The following PDE4D variants were observed in gnomAD, a reference collection of about 807,000 sequenced individuals.
The protein encoded by PDE4D is 3',5'-cyclic-AMP phosphodiesterase 4D.
A neutral mutation model predicts 87.4 loss-of-function variants in PDE4D; 24 were observed. The observed-to-expected ratio is 0.27, with a 90% CI of 0.20 to 0.39. The LOEUF is 0.39. Ranked by LOEUF, PDE4D falls within the 10% of genes least tolerant of loss-of-function variation. The pLI is 1.00. For missense variants in PDE4D, 714 were observed against 1,041.0 expected (o/e 0.69, Z 4.32); for synonymous variants, 384 against 383.2 (o/e 1.00, Z -0.02).
chr5:59,110,983 T>C (rs766202652), intron 5 of PDE4D, among the ~76,000 whole-genome samples: 1 of 152,220 alleles, frequency 6.6e-6, no homozygotes, highest in Non-Finnish European at 1.5e-5. Context: ...CTTTAACCAA[T>C]TTATGACATT....
intron 1 of PDE4D, among the ~76,000 whole-genome samples, chr5:59,290,086 C>T (rs1767724509): frequency 6.6e-6 from 1 of 151,948 alleles, no homozygotes; most frequent in Non-Finnish European, 1.5e-5. Flanking sequence ...TTAAAACGTT[C>T]ATACTACCCA....
intron 1 of PDE4D, among the ~76,000 whole-genome samples, chr5:60,474,785 A>C (rs1748179889): frequency 2.0e-5 from 3 of 152,020 alleles, no homozygotes. Context: ...CTTACCCCCA[A>C]CAATGTTCCT....
chr5:59,946,346 C>T (rs1263550928), intron 3 of PDE4D, among the ~76,000 whole-genome samples: 1 of 152,134 alleles, frequency 6.6e-6, no homozygotes, highest in East Asian at 1.9e-4. Context: ...AACTCAGACC[C>T]CAAAACTTCC....
At chr5:60,460,104 G>C in intron 1 of PDE4D, 4 of 1,605,300 alleles carry the variant, frequency 2.5e-6, no homozygotes, top group Non-Finnish European at 3.4e-6. Flanking sequence ...CAGTAAACCA[G>C]GTAAAGAAGC....
At chr5:59,514,713 G>A (rs573420331) in intron 1 of PDE4D, among the ~76,000 whole-genome samples, 3 of 152,192 alleles carry the variant, frequency 2.0e-5, no homozygotes, top group Non-Finnish European at 4.4e-5. Flanking sequence ...TACTAGCTAT[G>A]TGACTTTGGG....
intron 5 of PDE4D, among the ~76,000 whole-genome samples, chr5:59,070,067 T>C (rs1048545469): frequency 3.3e-5 from 5 of 152,186 alleles, no homozygotes; most frequent in African/African-American, 1.2e-4. Flanking sequence ...TATTGCCAGA[T>C]AGTTTTTGAG....
At chr5:60,364,286 C>A (rs1374242530) in intron 1 of PDE4D, among the ~76,000 whole-genome samples, 1 of 152,044 alleles carries the variant, frequency 6.6e-6, no homozygotes, top group Non-Finnish European at 1.5e-5. Flanking sequence ...ATGTATTACC[C>A]AAGCCAGGAT....
At chr5:59,085,931 T>C (rs567323634) in intron 5 of PDE4D, among the ~76,000 whole-genome samples, 3 of 151,896 alleles carry the variant, frequency 2.0e-5, no homozygotes, top group Non-Finnish European at 4.4e-5. Context: ...CAAATGGAGG[T>C]TGGGGTTGTA....
chr5:59,606,938 G>T (rs1366306503), intron 1 of PDE4D, among the ~76,000 whole-genome samples: 1 of 151,730 alleles, frequency 6.6e-6, no homozygotes, highest in African/African-American at 2.4e-5. Context: ...TCTTACAGAA[G>T]GGGGGGAAGG....
chr5:59,205,784 G>C (rs1437317658), intron 2 of PDE4D, among the ~76,000 whole-genome samples: 1 of 151,614 alleles, frequency 6.6e-6, no homozygotes, highest in Non-Finnish European at 1.5e-5. Context: ...AATGAATTTT[G>C]AAACATGGAA....
chr5:60,412,546 C>T (rs1390788412), intron 1 of PDE4D, among the ~76,000 whole-genome samples: 2 of 152,128 alleles, frequency 1.3e-5, no homozygotes, highest in Non-Finnish European at 2.9e-5. Flanking sequence ...AAATCATCCT[C>T]GTTCTTCGAT....
chr5:59,011,476 G>A (rs1353670506), intron 6 of PDE4D, among the ~76,000 whole-genome samples: 1 of 152,120 alleles, frequency 6.6e-6, no homozygotes, highest in Non-Finnish European at 1.5e-5. Context: ...TGAAAACCAT[G>A]GCATGAGAAC....
At chr5:60,147,356 C>T (rs1781104347) in intron 2 of PDE4D, among the ~76,000 whole-genome samples, 1 of 151,134 alleles carries the variant, frequency 6.6e-6, no homozygotes, top group South Asian at 2.1e-4. Flanking sequence ...ACAATGGTGA[C>T]CAAGTGCTGG....
intron 1 of PDE4D, among the ~76,000 whole-genome samples, chr5:59,553,473 C>T (rs1036542631): frequency 1.3e-5 from 2 of 152,104 alleles, no homozygotes; most frequent in African/African-American, 4.8e-5. Flanking sequence ...GAGCAGGGCT[C>T]CCCTTCCTCA....
intron 1 of PDE4D, chr5:60,459,920 T>C: frequency 1.4e-6 from 1 of 699,474 alleles, no homozygotes; most frequent in South Asian, 1.6e-5. Context: ...TCATCTTCAT[T>C]GTCTTCTTCA....
At chr5:59,637,174 G>T (rs1832351694) in intron 1 of PDE4D, among the ~76,000 whole-genome samples, 1 of 152,156 alleles carries the variant, frequency 6.6e-6, no homozygotes, top group African/African-American at 2.4e-5. Context: ...TTAGAGAAAT[G>T]CAAATCAAAA....
At chr5:60,004,120 A>T (rs574040245) in intron 2 of PDE4D, among the ~76,000 whole-genome samples, 1 of 152,228 alleles carries the variant, frequency 6.6e-6, no homozygotes, top group Non-Finnish European at 1.5e-5. Flanking sequence ...TTATTATTTT[A>T]ATATGATACC....
chr5:59,283,914 G>T (rs369670791), intron 1 of PDE4D, among the ~76,000 whole-genome samples: 1 of 152,022 alleles, frequency 6.6e-6, no homozygotes, highest in East Asian at 1.9e-4. Flanking sequence ...CTATCGATTT[G>T]GACTCTGTAA....
chr5:60,009,077 A>T (rs1020887289), intron 2 of PDE4D, among the ~76,000 whole-genome samples: 25 of 152,020 alleles, frequency 1.6e-4, no homozygotes, highest in African/African-American at 6.0e-4. Flanking sequence ...CTCTCTCTAA[A>T]CATTGATTCA....
Sources: allele counts gnomAD v4.1 joint callset (sites outside exome capture counted in the v4.1 genomes callset), GRCh38; gene constraint gnomAD v4.1.1; transcripts MANE v1.5; gene names NCBI Gene and HGNC (gene_info 2026-07-23, HGNC 2026-07-21).